The following USP6NL variants were observed in gnomAD, a reference collection of about 807,000 sequenced individuals.
The protein encoded by USP6NL is USP6 N-terminal-like protein.
Under a neutral mutation model 61.9 loss-of-function variants are expected in USP6NL, and 26 were observed. That is an observed-to-expected ratio of 0.42 (90% CI 0.31 to 0.58). The LOEUF (loss-of-function observed/expected upper bound fraction) is 0.58. USP6NL is among the 20% of genes least tolerant of loss of function. USP6NL has a pLI of 0.16. For missense variants in USP6NL, 1,114 were observed against 1,034.3 expected (o/e 1.08, Z -1.06); for synonymous variants, 432 against 390.1 (o/e 1.11, Z -1.27).
rs1054943039 is a variant in USP6NL at position 11,574,769 on chromosome 10, T to C, written c.4+22862A>G. ...CCAGAGCAAATCAGAGGCAGTTCCT[T>C]TGCCTTCAGACAGTTAAAGGCTTGT... On this transcript the variant is annotated intron_variant, in intron 2 of 14. Transcript: ENST00000609104. The surrounding 1 kb of genome is among the most constrained non-coding windows in gnomAD (Gnocchi z 4.3). 6.6e-6 allele frequency among the ~76,000 whole-genome samples: 1 copy of C among 152,222 alleles called. No homozygotes were observed. The highest frequency in any genetic ancestry group is 2.4e-5 in the African/African-American group (1 of 41,452).
intron 4 of USP6NL, among the ~76,000 whole-genome samples, chr10:11,521,857 T>C (rs1422373579): frequency 6.6e-6 from 1 of 152,256 alleles, no homozygotes; most frequent in Non-Finnish European, 1.5e-5. Flanking sequence ...TTCCTTCTAA[T>C]TCTTCTATTA....
At chr10:11,527,376 T>C in intron 3 of USP6NL, 124 bp downstream of exon 3, 1 of 772,166 alleles carries the variant, frequency 1.3e-6, no homozygotes. Flanking sequence ...GAAGATGATC[T>C]CTATGTCCCC....
At position 11,491,427 on chromosome 10, in the gene USP6NL, C is replaced by T. The variant is rs1001009096; in HGVS notation, c.495-547G>A. Among the ~76,000 whole-genome samples the T allele has an allele frequency of 3.9e-5, 6 of 152,154 alleles. 1 individual carries two copies. The highest frequency in any genetic ancestry group is 2.9e-5 in the Non-Finnish European group (2 of 68,022). ...ACTAGCAAAGCGTTTGCTTCTTGGC[C>T]CTGCAAGCTTGGGTTCTGCTGGTCG... On this transcript the variant is annotated intron_variant, in intron 8 of 14. Coordinates refer to ENST00000609104, the MANE Select transcript of USP6NL (RefSeq NM_014688.5). The surrounding 1 kb of genome is among the most constrained non-coding windows in gnomAD (Gnocchi z 4.7).
chr10:11,545,504 AT>A (rs1469719691), intron 2 of USP6NL, among the ~76,000 whole-genome samples: 1 of 152,162 alleles, frequency 6.6e-6, no homozygotes, highest in Non-Finnish European at 1.5e-5. Context: ...AGAGAAACAT[AT>A]CCTTTACCAC....
At position 11,511,978 on chromosome 10, in the gene USP6NL, C is replaced by A. The variant is rs1031165505; in HGVS notation, c.196-2303G>T. Among the ~76,000 whole-genome samples, 3 of 152,106 alleles carry A rather than the reference C, an allele frequency of 2.0e-5. No homozygotes were observed. The highest frequency in any genetic ancestry group is 6.5e-5 in the Admixed American group (1 of 15,268). On this transcript the variant is annotated intron_variant, in intron 5 of 14. Coordinates refer to ENST00000609104, the MANE Select transcript of USP6NL (RefSeq NM_014688.5). The surrounding 1 kb of genome is among the most constrained non-coding windows in gnomAD (Gnocchi z 4.9). ...CACATGAAAGTCTCTTTCCCCCAATCATGAATCTATAATTCATAGATGAAA... is the reference window on the plus strand; with the variant it reads ...CACATGAAAGTCTCTTTCCCCCAATAATGAATCTATAATTCATAGATGAAA...
intron 6 of USP6NL, among the ~76,000 whole-genome samples, chr10:11,502,850 C>T (rs1396122032): frequency 2.0e-5 from 3 of 152,086 alleles, no homozygotes; most frequent in African/African-American, 7.2e-5. Flanking sequence ...TTTGAAATTT[C>T]AGTAGATAGT....
rs1395121656 is a variant in USP6NL, at chr10:11,460,870, T to C, written c.*1571A>G. The C allele has an allele frequency of 6.6e-6, 1 of 152,376 alleles. No homozygotes were observed. The highest frequency in any genetic ancestry group is 2.4e-5 in the African/African-American group (1 of 41,434). The allele number at this position is 152,376 out of a possible 1,614,324, so 9.4% of individuals were successfully genotyped here. On this transcript the variant is annotated 3_prime_UTR_variant, in exon 15 of 15. Transcript: ENST00000609104. The stretch of plus-strand genomic sequence containing the variant: ...GCCCAGTTATTTCACCAGAATTTTG[T>C]TTGCGTTTCAATGTAGTGTTTAGCT...
In USP6NL at chr10:11,481,487, T is replaced by C. The variant is rs1833196903; in HGVS notation, c.1078+283A>G. On this transcript the variant is annotated intron_variant, in intron 14 of 14. Transcript: ENST00000609104. This position sits in a 1 kb window ranked among gnomAD's most constrained non-coding sequence, Gnocchi z 4.4. ...ATTGTTATGCTCGTTTAAAGCACCA[T>C]GGCTACTTCTGTTGAACAACAGTAT... Among the ~76,000 whole-genome samples, 2 of 152,252 alleles carry C rather than the reference T, an allele frequency of 1.3e-5. No homozygotes were observed. Among genetic ancestry groups the C allele is most frequent in the South Asian group, 4.1e-4 (2 of 4,832 alleles).
Position 11,518,857 on chromosome 10 carries a change from T to G in USP6NL, c.156-283A>C, listed in dbSNP as rs4520493. ...AAATTTAATTTAGTTTAACACTGAG[T>G]TAGTCTCACTAGGCACAGTTCAAGT... On this transcript the variant is annotated intron_variant, in intron 4 of 14. Transcript: ENST00000609104. The surrounding 1 kb of genome is among the most constrained non-coding windows in gnomAD (Gnocchi z 5.3). 0.056 allele frequency among the ~76,000 whole-genome samples: 8,502 copies of G among 152,240 alleles called. 360 individuals are homozygous for G. Among genetic ancestry groups the G allele is most frequent in the East Asian group, 0.15 (778 of 5,190 alleles).
At position 11,481,933 on chromosome 10, in the gene USP6NL, A is replaced by G. The variant is rs1339267608; in HGVS notation, c.926-11T>C. 6.9e-6 allele frequency: 11 copies of G among 1,594,480 alleles called. No homozygotes were observed. The highest frequency in any genetic ancestry group is 5.3e-5 in the Admixed American group (3 of 56,658). On this transcript the variant is annotated splice_polypyrimidine_tract_variant and intron_variant, in intron 13 of 14. Transcript: ENST00000609104. This position sits in a 1 kb window ranked among gnomAD's most constrained non-coding sequence, Gnocchi z 4.4. ...ATTTCATTAGATGTTCTAAGAAAGG[A>G]TAAGAGAAATGAAAATGCCAAGTCA... is the stretch of plus-strand genomic sequence containing the variant.
chr10:11,539,028 G>A (rs1482495423), intron 2 of USP6NL, among the ~76,000 whole-genome samples: 1 of 152,172 alleles, frequency 6.6e-6, no homozygotes, highest in Admixed American at 6.5e-5. Context: ...TGCAGCGAGG[G>A]CAGCGCTCCT....
intron 1 of USP6NL, among the ~76,000 whole-genome samples, chr10:11,607,089 A>G (rs189347855): frequency 6.6e-6 from 1 of 152,198 alleles, no homozygotes; most frequent in Non-Finnish European, 1.5e-5. Context: ...ACACCTGGCC[A>G]AAATTAATTT....
rs1310929679 is a variant in USP6NL at position 11,497,770 on chromosome 10, T to G, written c.384+3331A>C. On this transcript the variant is annotated intron_variant, in intron 7 of 14. Transcript: ENST00000609104. ...GGAATGCAGGAATCAAACATATTTT[T>G]TACTCCTGAATGAAAAGAGGTAAAC... Among the ~76,000 whole-genome samples, 3 of 152,240 alleles carry G rather than the reference T, an allele frequency of 2.0e-5. No homozygotes were observed. In the East Asian group the frequency reaches 5.8e-4, roughly 29 times the overall value.
At chr10:11,539,675 T>C (rs1835974099) in intron 2 of USP6NL, among the ~76,000 whole-genome samples, 1 of 152,236 alleles carries the variant, frequency 6.6e-6, no homozygotes, top group African/African-American at 2.4e-5. Context: ...CCGCCTACAG[T>C]TGCTGACAAA....
intron 2 of USP6NL, among the ~76,000 whole-genome samples, chr10:11,593,257 T>C (rs1838214497): frequency 6.6e-6 from 1 of 152,260 alleles, no homozygotes; most frequent in Admixed American, 6.5e-5. Flanking sequence ...AGTGTTTTTT[T>C]GTTTTTTAGT....
intron 2 of USP6NL, among the ~76,000 whole-genome samples, chr10:11,558,316 G>A (rs545582712): frequency 6.6e-6 from 1 of 152,296 alleles, no homozygotes; most frequent in African/African-American, 2.4e-5. Flanking sequence ...TCATTCCACA[G>A]CAATATTCCG....
chr10:11,506,379 T>C (rs932365149), intron 6 of USP6NL, among the ~76,000 whole-genome samples: 3 of 152,202 alleles, frequency 2.0e-5, no homozygotes, highest in African/African-American at 7.2e-5. Flanking sequence ...CAGTGGCTCA[T>C]GCCTGTAATC....
chr10:11,487,458 GC>G lies in USP6NL; in HGVS notation c.665-1548del, dbSNP rs1422590710. On this transcript the variant is annotated intron_variant, in intron 10 of 14. Coordinates refer to ENST00000609104, the MANE Select transcript of USP6NL (RefSeq NM_014688.5). This position sits in a 1 kb window ranked among gnomAD's most constrained non-coding sequence, Gnocchi z 4.2. ...TAGTGACAATAATTGCTGAAGGTAA[GC>G]TATCAAATAGGTTTAAAAGAAATGA... 6.6e-6 allele frequency among the ~76,000 whole-genome samples: 1 copy of G among 152,192 alleles called. No individual in the cohort carries two copies. The highest frequency in any genetic ancestry group is 1.5e-5 in the Non-Finnish European group (1 of 68,028).
rs201785683 is a variant in USP6NL, at chr10:11,555,505, AAGAT to A, written c.5-27942_5-27939del. On this transcript the variant is annotated intron_variant, in intron 2 of 14. Coordinates refer to ENST00000609104, the MANE Select transcript of USP6NL (RefSeq NM_014688.5). ...AGAGAGAGAGAGAGAAGAGGAATAA[AAGAT>A]AGAAAATACATGAAAGAGCATAGGA... 6.5e-3 allele frequency among the ~76,000 whole-genome samples: 948 copies of A among 146,196 alleles called. 7 individuals carry two copies. The highest frequency in any genetic ancestry group is 9.9e-3 in the Non-Finnish European group (659 of 66,854).
Sources: allele counts gnomAD v4.1 joint callset (sites outside exome capture counted in the v4.1 genomes callset), GRCh38; gene constraint gnomAD v4.1.1; non-coding constraint Gnocchi (gnomAD v3.1); transcripts MANE v1.5; gene names NCBI Gene and HGNC (gene_info 2026-07-23, HGNC 2026-07-21).